GRID1: variants seen among roughly 807,000 people sequenced by gnomAD.
GRID1 encodes the protein glutamate ionotropic receptor delta type subunit 1.
Under a neutral mutation model 98.0 loss-of-function variants are expected in GRID1, and 28 were observed. The ratio of observed to expected loss-of-function variants is 0.29; its 90% CI spans 0.21 to 0.39. The LOEUF (loss-of-function observed/expected upper bound fraction) is 0.39. GRID1 is among the 10% of genes least tolerant of loss of function. GRID1 has a pLI of 1.00. For missense variants in GRID1, 1,111 were observed against 1,340.5 expected, an observed-to-expected ratio of 0.83 and a Z score of 2.67; for synonymous variants, 553 against 538.5, an observed-to-expected ratio of 1.03 and a Z score of -0.37.
chr10:85,855,707 GC>G (rs1208038752), intron 7 of GRID1, among the ~76,000 whole-genome samples: 3 of 152,326 alleles, frequency 2.0e-5, no homozygotes, highest in Admixed American at 1.3e-4. Context: ...GTGGTGTTCT[GC>G]ATAGAGGGGT....
chr10:86,128,981 T>A (rs1589381289), intron 4 of GRID1, among the ~76,000 whole-genome samples: 1 of 152,252 alleles, frequency 6.6e-6, no homozygotes, highest in African/African-American at 2.4e-5. Flanking sequence ...GAACCAGAGC[T>A]CAGAAAGCCA....
At chr10:86,082,635 C>A (rs578053077) in intron 4 of GRID1, among the ~76,000 whole-genome samples, 1 of 152,166 alleles carries the variant, frequency 6.6e-6, no homozygotes, top group African/African-American at 2.4e-5. Flanking sequence ...GGAGGTGCCC[C>A]GTTTCCCACA....
intron 8 of GRID1, among the ~76,000 whole-genome samples, chr10:85,764,405 C>A (rs1030006676): frequency 6.6e-6 from 1 of 152,218 alleles, no homozygotes; most frequent in Non-Finnish European, 1.5e-5. Flanking sequence ...GTAGCATTCA[C>A]AAGTCCTCAG....
chr10:86,087,510 C>CTGTG (rs60644459), intron 4 of GRID1, among the ~76,000 whole-genome samples: 17,823 of 140,850 alleles, frequency 0.13, 1,708 homozygotes, highest in African/African-American at 0.28. Flanking sequence ...GTGTGTGTGT[C>CTGTG]TGTGTGTGTG....
At chr10:85,709,337 A>G (rs1164640926) in intron 12 of GRID1, among the ~76,000 whole-genome samples, 2 of 152,210 alleles carry the variant, frequency 1.3e-5, no homozygotes, top group Non-Finnish European at 2.9e-5. Context: ...GTAGATGGAA[A>G]TCAGTTGTGT....
chr10:85,972,158 C>CG (rs1842416130), intron 4 of GRID1, among the ~76,000 whole-genome samples: 3 of 143,980 alleles, frequency 2.1e-5, no homozygotes, highest in African/African-American at 7.6e-5. Context: ...GACCATTTTT[C>CG]TTTTTTTTTT....
chr10:86,236,900 A>G (rs1846548715), intron 2 of GRID1, among the ~76,000 whole-genome samples: 1 of 152,206 alleles, frequency 6.6e-6, no homozygotes, highest in Non-Finnish European at 1.5e-5. Context: ...AGCAGGAGGC[A>G]GAGTGGCACT....
At chr10:86,048,587 A>T (rs561926074) in intron 4 of GRID1, among the ~76,000 whole-genome samples, 1 of 152,362 alleles carries the variant, frequency 6.6e-6, no homozygotes, top group South Asian at 2.1e-4. Context: ...GCCCCAGCAC[A>T]TGAGGCTCAT....
chr10:85,846,627 A>C (rs1353414197), intron 8 of GRID1, among the ~76,000 whole-genome samples: 1 of 152,236 alleles, frequency 6.6e-6, no homozygotes, highest in African/African-American at 2.4e-5. Context: ...TCTTTGAAAA[A>C]AAATCAATAG....
chr10:85,806,414 G>A (rs1249026916), intron 8 of GRID1, among the ~76,000 whole-genome samples: 1 of 152,090 alleles, frequency 6.6e-6, no homozygotes, highest in East Asian at 1.9e-4. Context: ...CTTAGACTGT[G>A]TTCTTAGACT....
intron 3 of GRID1, among the ~76,000 whole-genome samples, chr10:86,191,910 T>C (rs752269011): frequency 2.0e-5 from 3 of 152,122 alleles, no homozygotes; most frequent in Admixed American, 2.0e-4. Flanking sequence ...TGCTGATCCA[T>C]CCTGCGTCGC....
intron 2 of GRID1, among the ~76,000 whole-genome samples, chr10:86,229,711 G>A (rs528094157): frequency 2.0e-4 from 30 of 152,246 alleles, no homozygotes; most frequent in African/African-American, 5.1e-4. Context: ...TTCTGATGGC[G>A]TGGCCAGGGC....
chr10:86,103,560 C>A (rs1844331713), intron 4 of GRID1, among the ~76,000 whole-genome samples: 1 of 152,230 alleles, frequency 6.6e-6, no homozygotes, highest in Admixed American at 6.5e-5. Flanking sequence ...TGTGGACAAG[C>A]AGTGAAACTG....
chr10:86,321,951 G>A (rs1425117034), intron 2 of GRID1, among the ~76,000 whole-genome samples: 4 of 151,948 alleles, frequency 2.6e-5, no homozygotes, highest in Admixed American at 2.0e-4. Flanking sequence ...AAGATTACAC[G>A]TCGAAAGAGG....
chr10:85,610,675 A>G (rs1181671425), intron 15 of GRID1, among the ~76,000 whole-genome samples: 1 of 152,116 alleles, frequency 6.6e-6, no homozygotes, highest in African/African-American at 2.4e-5. Context: ...ATGAGTGGAG[A>G]CTGCTGGGCC....
chr10:85,839,922 T>A (rs117421711), intron 8 of GRID1, among the ~76,000 whole-genome samples: 1 of 152,188 alleles, frequency 6.6e-6, no homozygotes, highest in East Asian at 1.9e-4. Flanking sequence ...AAAAGCAGCA[T>A]ATTACCATTG....
intron 4 of GRID1, among the ~76,000 whole-genome samples, chr10:86,027,265 C>G (rs1382273491): frequency 6.6e-6 from 1 of 152,122 alleles, no homozygotes; most frequent in Non-Finnish European, 1.5e-5. Context: ...TTTCTTTCTC[C>G]GCAGCCCCTG....
chr10:85,669,509 C>A (rs888270593), intron 12 of GRID1, among the ~76,000 whole-genome samples: 1 of 152,162 alleles, frequency 6.6e-6, no homozygotes, highest in Non-Finnish European at 1.5e-5. Context: ...GTGGAGTTCA[C>A]ACTTTCTGAA....
chr10:86,303,062 G>A (rs1847713453), intron 2 of GRID1, among the ~76,000 whole-genome samples: 1 of 152,168 alleles, frequency 6.6e-6, no homozygotes, highest in Non-Finnish European at 1.5e-5. Context: ...GGGCAATTAG[G>A]GAAATTTGAA....
Sources: allele counts gnomAD v4.1 joint callset (sites outside exome capture counted in the v4.1 genomes callset), GRCh38; gene constraint gnomAD v4.1.1; transcripts MANE v1.5; gene names NCBI Gene and HGNC (gene_info 2026-07-23, HGNC 2026-07-21).